The following RSF1 variants were observed in gnomAD, a reference collection of about 807,000 sequenced individuals.
The protein encoded by RSF1 is remodeling and spacing factor 1, also known as HBV pX-associated protein 8.
In RSF1, 13 loss-of-function variants were observed where a neutral mutation model predicts 145.2. That is an observed-to-expected ratio of 0.09 (90% CI 0.06 to 0.14). The LOEUF (loss-of-function observed/expected upper bound fraction) is 0.14, where lower values mean the gene tolerates loss of function less well. Among genes scored for constraint, RSF1 ranks in the 10% least tolerant of loss-of-function variants. The pLI, the probability that RSF1 is intolerant of heterozygous loss-of-function variation, is 1.00. For synonymous variants in RSF1, 577 were observed against 592.6 expected (o/e 0.97, Z 0.38); for missense variants, 1,517 against 1,718.2 (o/e 0.88, Z 2.07).
Position 77,715,148 on chromosome 11 carries a change from G to C in RSF1, c.733+10397C>G, listed in dbSNP as rs140531798. Among the ~76,000 whole-genome samples the C allele has an allele frequency of 3.0e-3, 459 of 151,866 alleles. 2 individuals are homozygous for C. The highest frequency in any genetic ancestry group is 0.011 in the African/African-American group (441 of 41,384). On this transcript the variant is annotated intron_variant, in intron 5 of 15. Transcript: ENST00000308488. ...CTTAAAAAAAGTTCTTAAATTATTG[G>C]GAATGATAGAGGAGTTAAAAAATTA... is the stretch of plus-strand genomic sequence containing the variant.
chr11:77,820,944 GC>G, upstream of RSF1: 1 of 554,756 alleles, frequency 1.8e-6, no homozygotes, highest in Non-Finnish European at 3.2e-6. Context: ...TTCACTTTCC[GC>G]CCTCTTTCCG....
chr11:77,683,031 G>A (rs538860717), intron 11 of RSF1, among the ~76,000 whole-genome samples: 1 of 152,310 alleles, frequency 6.6e-6, no homozygotes, highest in East Asian at 1.9e-4. Flanking sequence ...GGTGGCTCAT[G>A]CCTGTAATCC....
At chr11:77,757,190 G>A (rs1339865073) in intron 2 of RSF1, among the ~76,000 whole-genome samples, 1 of 152,176 alleles carries the variant, frequency 6.6e-6, no homozygotes. Flanking sequence ...GGCATGTTCT[G>A]TCAAGGTGGA....
intron 11 of RSF1, among the ~76,000 whole-genome samples, chr11:77,681,001 A>G (rs1250157812): frequency 6.6e-6 from 1 of 152,254 alleles, no homozygotes; most frequent in Non-Finnish European, 1.5e-5. Flanking sequence ...AAAATCAAAG[A>G]CCATCAGAAA....
chr11:77,740,071 C>T (rs1420531390), intron 4 of RSF1, among the ~76,000 whole-genome samples: 1 of 152,192 alleles, frequency 6.6e-6, no homozygotes, highest in Non-Finnish European at 1.5e-5. Flanking sequence ...CTAGTTAATG[C>T]TGAATAGAAA....
the RSF1 span, chr11:77,866,517 G>A: frequency 6.6e-6 from 1 of 152,224 alleles, no homozygotes. Context: ...ATGACACTGT[G>A]AGCCTGCAGT....
rs974821768 is a variant in RSF1 at position 77,664,309 on chromosome 11, A to G, written c.*2608T>C. On this transcript the variant is annotated 3_prime_UTR_variant, in exon 16 of 16. Coordinates refer to ENST00000308488, the MANE Select transcript of RSF1 (RefSeq NM_016578.4). ...TATAGTTAATTGATTTAATCAAAAT[A>G]TAAGGTGAGAAGGGGTACATTCACT... 1 of 152,204 alleles carries G rather than the reference A, an allele frequency of 6.6e-6. No homozygotes were observed. The highest frequency in any genetic ancestry group is 2.4e-5 in the African/African-American group (1 of 41,460). The allele number at this position is 152,204 out of a possible 1,614,324, so 9.4% of individuals were successfully genotyped here. A position where few individuals can be genotyped will look rare whatever the true frequency, so the allele number is the denominator to read the frequency against.
In RSF1 at chr11:77,661,720, A is replaced by T. The variant is rs940761895; in HGVS notation, c.*5197T>A. 3 of 151,580 alleles carry T rather than the reference A, an allele frequency of 2.0e-5. No homozygotes were observed. Among genetic ancestry groups the T allele is most frequent in the African/African-American group, 7.3e-5 (3 of 41,242 alleles). The allele number at this position is 151,580 out of a possible 1,614,324, so 9.4% of individuals were successfully genotyped here. Reference sequence around the variant, plus strand: ...ACCTCCCATCCCTTAAAAGCTGTACAGTTATTTTTTTTAAAAAAAGGTGAC... The same window carrying T: ...ACCTCCCATCCCTTAAAAGCTGTACTGTTATTTTTTTTAAAAAAAGGTGAC... On this transcript the variant is annotated 3_prime_UTR_variant, in exon 16 of 16. Transcript: ENST00000308488.
chr11:77,680,845 T>C (rs1959840488), intron 11 of RSF1, among the ~76,000 whole-genome samples: 1 of 152,176 alleles, frequency 6.6e-6, no homozygotes, highest in African/African-American at 2.4e-5. Flanking sequence ...TTCACTAGGG[T>C]AGAATAGCAG....
chr11:77,715,230 C>CA (rs144345962), intron 5 of RSF1, among the ~76,000 whole-genome samples: 25,144 of 151,792 alleles, frequency 0.17, 2,258 homozygotes, highest in Admixed American at 0.23. Flanking sequence ...TTGTTTATGG[C>CA]AAAAAAATAC....
intron 1 of RSF1, among the ~76,000 whole-genome samples, chr11:77,784,085 AT>A (rs1338714696): frequency 3.9e-5 from 6 of 152,268 alleles, no homozygotes; most frequent in African/African-American, 9.6e-5. Flanking sequence ...TGCATTCATT[AT>A]TCTTCCAATA....
At chr11:77,748,820 A>G (rs991886938) in intron 2 of RSF1, among the ~76,000 whole-genome samples, 8 of 152,230 alleles carry the variant, frequency 5.3e-5, no homozygotes. Context: ...AAGTATTTAC[A>G]CAAGAAAGAG....
chr11:77,735,776 T>A (rs1961334020), intron 4 of RSF1, among the ~76,000 whole-genome samples: 1 of 152,180 alleles, frequency 6.6e-6, no homozygotes, highest in African/African-American at 2.4e-5. Context: ...GCCGCTCTGT[T>A]GTCGCCAGGC....
At chr11:77,838,320 T>C in the RSF1 span, among the ~76,000 whole-genome samples, 1 of 152,204 alleles carries the variant, frequency 6.6e-6, no homozygotes, top group Non-Finnish European at 1.5e-5. Flanking sequence ...GTAGATATGG[T>C]TAACATCTAC....
intron 7 of RSF1, among the ~76,000 whole-genome samples, chr11:77,696,316 A>G (rs779299328): frequency 7.9e-5 from 12 of 152,198 alleles, no homozygotes; most frequent in Non-Finnish European, 1.3e-4. Context: ...TGACTAAAAC[A>G]TCTGGAAAAT....
chr11:77,743,507 C>A (rs1947964662), intron 3 of RSF1, among the ~76,000 whole-genome samples: 2 of 151,868 alleles, frequency 1.3e-5, no homozygotes, highest in Non-Finnish European at 2.9e-5. Flanking sequence ...TTTATAATTT[C>A]TTTTTTGGAT....
At chr11:77,838,332 G>A in the RSF1 span, among the ~76,000 whole-genome samples, 2 of 152,288 alleles carry the variant, frequency 1.3e-5, no homozygotes, top group Admixed American at 1.3e-4. Context: ...AACATCTACA[G>A]TCAGTAGACT....
At chr11:77,777,454 G>A (rs1401596293) in intron 1 of RSF1, among the ~76,000 whole-genome samples, 13 of 152,066 alleles carry the variant, frequency 8.5e-5, no homozygotes, top group Admixed American at 3.3e-4. Context: ...TTAGCCAGGC[G>A]TGGTGGCGGG....
chr11:77,729,593 CAA>C (rs763731047), intron 4 of RSF1, among the ~76,000 whole-genome samples: 1 of 138,730 alleles, frequency 7.2e-6, no homozygotes, highest in African/African-American at 2.6e-5. Flanking sequence ...CCCAACCCCA[CAA>C]AAAAAAAAAA....
Sources: gnomAD v4.1 joint callset for allele counts (sites outside exome capture counted in the v4.1 genomes callset) on GRCh38, gnomAD v4.1.1 for gene constraint, MANE v1.5 for transcripts, NCBI Gene and HGNC (gene_info 2026-07-23, HGNC 2026-07-21) for gene names.